Variants in RANBP2 observed in about 807,000 individuals in gnomAD.
RANBP2 encodes E3 SUMO-protein ligase RanBP2.
A neutral mutation model predicts 303.6 loss-of-function variants in RANBP2; 57 were observed. That is an observed-to-expected ratio of 0.19 (90% CI 0.15 to 0.23). The LOEUF is 0.23. Among genes scored for constraint, RANBP2 ranks in the 10% least tolerant of loss-of-function variants. The pLI, the probability that RANBP2 is intolerant of heterozygous loss-of-function variation, is 1.00. For missense variants in RANBP2, 3,138 were observed against 3,780.8 expected (o/e 0.83, Z 4.46); for synonymous variants, 1,167 against 1,301.5 (o/e 0.90, Z 2.23).
chr2:109,560,345 C>T, the RANBP2 span, among the ~76,000 whole-genome samples: 1 of 152,112 alleles, frequency 6.6e-6, no homozygotes, highest in Non-Finnish European at 1.5e-5. Context: ...CAGCAGACTC[C>T]CTCTCTCTTG....
chr2:109,034,987 C>G, the RANBP2 span, among the ~76,000 whole-genome samples: 4 of 152,162 alleles, frequency 2.6e-5, no homozygotes, highest in Admixed American at 2.6e-4. Flanking sequence ...TTAGGTAGGT[C>G]TGACACTTGG....
At chr2:108,814,781 GC>G in the RANBP2 span, among the ~76,000 whole-genome samples, 1 of 150,722 alleles carries the variant, frequency 6.6e-6, no homozygotes, top group African/African-American at 2.4e-5. Flanking sequence ...GATTACAGGC[GC>G]CCACCACCAC....
the RANBP2 span, among the ~76,000 whole-genome samples, chr2:109,479,965 T>TA: frequency 3.3e-5 from 5 of 151,934 alleles, no homozygotes; most frequent in African/African-American, 1.2e-4. Flanking sequence ...AGCCCAGTGG[T>TA]ATGCAGGTGA....
chr2:109,501,897 A>G, the RANBP2 span: 59 of 512,478 alleles, frequency 1.2e-4, no homozygotes, highest in Middle Eastern at 1.1e-3. Context: ...GGAAATGCCC[A>G]CCCCCTCTGT....
At chr2:108,986,015 C>T in the RANBP2 span, among the ~76,000 whole-genome samples, 1 of 152,162 alleles carries the variant, frequency 6.6e-6, no homozygotes, top group East Asian at 1.9e-4. Context: ...AAGCTTTTTT[C>T]ATAGCTTTGA....
chr2:108,782,043 G>A (rs1220718324), intron 26 of RANBP2, 85 bp from the exon 27 acceptor site: 3 of 1,479,212 alleles, frequency 2.0e-6, no homozygotes, highest in Non-Finnish European at 2.8e-6. Context: ...CAAAGAAAAT[G>A]CCTTAAAAGA....
the RANBP2 span, among the ~76,000 whole-genome samples, chr2:109,029,064 C>T: frequency 2.0e-5 from 3 of 151,990 alleles, no homozygotes; most frequent in Non-Finnish European, 4.4e-5. Flanking sequence ...GGATTACAGG[C>T]GTGAGGCACT....
At chr2:109,763,671 A>G in the RANBP2 span, among the ~76,000 whole-genome samples, 2 of 150,496 alleles carry the variant, frequency 1.3e-5, 1 homozygote, top group Admixed American at 1.4e-4. Context: ...TATTAGAGCA[A>G]TATACATTTT....
the RANBP2 span, chr2:108,791,792 A>G: frequency 6.3e-7 from 1 of 1,584,692 alleles, no homozygotes; most frequent in East Asian, 2.2e-5. Flanking sequence ...CTTTTAAAGA[A>G]ATAGAAAAAG....
the RANBP2 span, chr2:108,873,416 C>T: frequency 6.6e-7 from 1 of 1,513,058 alleles, no homozygotes. Context: ...TTTCGCTACT[C>T]CCTAATAGTA....
At chr2:108,881,682 T>G in the RANBP2 span, among the ~76,000 whole-genome samples, 6 of 152,200 alleles carry the variant, frequency 3.9e-5, no homozygotes, top group Admixed American at 1.3e-4. Context: ...TTAATTGGCC[T>G]AATTTCAGTA....
chr2:109,242,731 G>A, the RANBP2 span, among the ~76,000 whole-genome samples: 19 of 152,194 alleles, frequency 1.2e-4, 1 homozygote, highest in Admixed American at 1.3e-4. Flanking sequence ...GAGGTTTGGA[G>A]TCCACAGCTG....
At chr2:109,613,694 G>T in the RANBP2 span, 1 of 775,930 alleles carries the variant, frequency 1.3e-6, no homozygotes, top group Non-Finnish European at 1.7e-6. Context: ...AGGGGGCGCG[G>T]GTCACAATCC....
the RANBP2 span, among the ~76,000 whole-genome samples, chr2:109,391,703 G>A: frequency 6.6e-6 from 1 of 152,194 alleles, no homozygotes; most frequent in Non-Finnish European, 1.5e-5. Context: ...ACAGGCCTCT[G>A]AGGCCACTAC....
intron 7 of RANBP2, among the ~76,000 whole-genome samples, chr2:108,745,790 G>A (rs1358330966): frequency 1.3e-5 from 2 of 151,386 alleles, no homozygotes; most frequent in East Asian, 3.9e-4. Flanking sequence ...ATCTGCTGTT[G>A]TCCTATTTAT....
the RANBP2 span, among the ~76,000 whole-genome samples, chr2:109,708,261 C>CTGTAGTCCCA: frequency 6.6e-6 from 1 of 151,872 alleles, no homozygotes; most frequent in East Asian, 1.9e-4. Context: ...TGGCACACGC[C>CTGTAGTCCCA]TGTAGTCCCA....
the RANBP2 span, among the ~76,000 whole-genome samples, chr2:109,689,936 G>C: frequency 2.0e-5 from 3 of 152,084 alleles, no homozygotes; most frequent in Non-Finnish European, 4.4e-5. Context: ...AATTGTATTC[G>C]ATTTAACCAG....
the RANBP2 span, among the ~76,000 whole-genome samples, chr2:109,382,950 T>G: frequency 6.6e-6 from 1 of 152,260 alleles, no homozygotes; most frequent in Non-Finnish European, 1.5e-5. Flanking sequence ...CCATGCTCAC[T>G]TCTTTCCTGA....
At chr2:109,641,133 A>ATTTGTTTG in the RANBP2 span, among the ~76,000 whole-genome samples, 107 of 151,172 alleles carry the variant, frequency 7.1e-4, no homozygotes, top group Admixed American at 3.2e-3. Context: ...GGTTTTATTT[A>ATTTGTTTG]TTTGTTTGTT....
Sources: allele counts gnomAD v4.1 joint callset (sites outside exome capture counted in the v4.1 genomes callset), GRCh38; gene constraint gnomAD v4.1.1; transcripts MANE v1.5; gene names NCBI Gene and HGNC (gene_info 2026-07-23, HGNC 2026-07-21).